Variants in ZNF385C observed in about 807,000 individuals in gnomAD.
ZNF385C encodes the protein CTD-2132N18.2.
ZNF385C carries 28 observed loss-of-function variants against 35.4 expected under a neutral mutation model. The observed-to-expected ratio is 0.79, with a 90% confidence interval of 0.59 to 1.08. ZNF385C has a LOEUF of 1.08. Among genes scored for constraint, ZNF385C ranks in the 50% least tolerant of loss-of-function variants. ZNF385C has a pLI of 0.00. For synonymous variants in ZNF385C, 248 were observed against 248.2 expected (o/e 1.00, Z 0.01); for missense variants, 605 against 595.6 (o/e 1.02, Z -0.16).
intron 3 of ZNF385C, among the ~76,000 whole-genome samples, chr17:42,036,898 G>A (rs1477248378): frequency 1.3e-5 from 2 of 152,194 alleles, no homozygotes; most frequent in African/African-American, 2.4e-5. Context: ...GCCACCATCT[G>A]CTCAGGATGG....
At chr17:42,040,235 T>C in intron 2 of ZNF385C, 1 of 1,231,530 alleles carries the variant, frequency 8.1e-7, no homozygotes. Flanking sequence ...TGTAGGCCCT[T>C]CCGCATGGAG....
intron 3 of ZNF385C, among the ~76,000 whole-genome samples, chr17:42,037,228 C>A (rs547751314): frequency 6.6e-6 from 1 of 152,166 alleles, no homozygotes. Context: ...ACACAATAAA[C>A]CCTCAGATTG....
chr17:42,027,395 C>T (rs1240172688), intron 8 of ZNF385C, among the ~76,000 whole-genome samples: 4 of 152,160 alleles, frequency 2.6e-5, no homozygotes, highest in East Asian at 1.9e-4. Flanking sequence ...AGGAGATGCA[C>T]GCCCACCCCT....
chr17:42,054,535 C>G (rs936061403), intron 2 of ZNF385C, among the ~76,000 whole-genome samples: 1 of 150,724 alleles, frequency 6.6e-6, no homozygotes, highest in African/African-American at 2.4e-5. Flanking sequence ...GCTATCTGGG[C>G]GATGCCAGGA....
Position 42,045,648 on chromosome 17 carries a change from C to A in ZNF385C, c.251-7763G>T, listed in dbSNP as rs1395577598. ...AGACCCTGGTCTGTACTGTCTCTCTCCCTCCAGCTGCCTAGCCTTGGCCCA... is the reference window on the plus strand; with the variant it reads ...AGACCCTGGTCTGTACTGTCTCTCTACCTCCAGCTGCCTAGCCTTGGCCCA... On this transcript the variant is annotated intron_variant, in intron 2 of 8. Coordinates refer to ENST00000692273, the MANE Select transcript of ZNF385C (RefSeq NM_001392013.1). Among the ~76,000 whole-genome samples the A allele has an allele frequency of 9.2e-5, 14 of 152,340 alleles. 1 individual carries two copies. The highest frequency in any genetic ancestry group is 9.2e-4 in the Admixed American group (14 of 15,296).
chr17:42,028,850 C>T lies in ZNF385C; in HGVS notation c.900G>A (p.Gly300=), dbSNP rs1424572302. The T allele has an allele frequency of 1.0e-5, 16 of 1,550,468 alleles. No homozygotes were observed. In the East Asian group the frequency reaches 3.2e-4, roughly 31 times the overall value. The change falls in exon 6 of 9, where the codon GGG becomes GGA. Residue 300 remains glycine (G), a synonymous_variant. Coordinates refer to ENST00000692273, the MANE Select transcript of ZNF385C (RefSeq NM_001392013.1). ...SMSGEGRSEK[G]HLYCPTCKVT... ...CCTTACACGTGGGGCAGTAGAGGTGCCCCTTCTCACTCCTGCCTTCCCCAC... is the reference window on the plus strand; with the variant it reads ...CCTTACACGTGGGGCAGTAGAGGTGTCCCTTCTCACTCCTGCCTTCCCCAC...
At chr17:42,052,854 C>T (rs2053308845) in intron 2 of ZNF385C, among the ~76,000 whole-genome samples, 1 of 152,196 alleles carries the variant, frequency 6.6e-6, no homozygotes, top group Non-Finnish European at 1.5e-5. Flanking sequence ...CCACTCTTTC[C>T]CCATCCCCCT....
intron 1 of ZNF385C, among the ~76,000 whole-genome samples, chr17:42,093,488 AG>A (rs1254919626): frequency 1.3e-5 from 2 of 152,158 alleles, no homozygotes; most frequent in Non-Finnish European, 2.9e-5. Context: ...AGAAAGTTTC[AG>A]AGTTCAGAGC....
chr17:42,086,701 C>CAAA (rs1184011274), intron 1 of ZNF385C, among the ~76,000 whole-genome samples: 8 of 66,818 alleles, frequency 1.2e-4, no homozygotes, highest in South Asian at 5.9e-4. Context: ...GATTCCATCT[C>CAAA]AAAAAAAAAA....
At chr17:42,054,612 C>T (rs1467987306) in intron 2 of ZNF385C, among the ~76,000 whole-genome samples, 4 of 144,248 alleles carry the variant, frequency 2.8e-5, no homozygotes, top group Admixed American at 2.1e-4. Flanking sequence ...AGCAGTGTTT[C>T]GCCCTGTCAC....
At chr17:42,054,201 T>TA (rs1388830697) in intron 2 of ZNF385C, among the ~76,000 whole-genome samples, 1 of 152,172 alleles carries the variant, frequency 6.6e-6, no homozygotes, top group Non-Finnish European at 1.5e-5. Flanking sequence ...TGGGGCCTCT[T>TA]ACACTGAAGT....
intron 2 of ZNF385C, chr17:42,040,595 G>C: frequency 8.1e-7 from 1 of 1,232,496 alleles, no homozygotes; most frequent in Non-Finnish European, 1.0e-6. Context: ...GGTGAGGCAA[G>C]GGCTGCAGCC....
chr17:42,058,694 C>T (rs572714242), intron 2 of ZNF385C, among the ~76,000 whole-genome samples: 11 of 152,248 alleles, frequency 7.2e-5, no homozygotes, highest in African/African-American at 1.9e-4. Context: ...GAGTCTCTAT[C>T]GCCCAGGCTA....
chr17:42,076,965 C>T (rs2053693011), intron 1 of ZNF385C, among the ~76,000 whole-genome samples: 1 of 152,142 alleles, frequency 6.6e-6, no homozygotes, highest in Admixed American at 6.6e-5. Context: ...CCTCCCCACT[C>T]CAGAAAATGA....
chr17:42,039,374 C>G (rs925773929), intron 2 of ZNF385C: 5 of 265,332 alleles, frequency 1.9e-5, no homozygotes, highest in Non-Finnish European at 3.5e-5. Context: ...AAACTCCCAT[C>G]TTTGGGGGGA....
intron 1 of ZNF385C, among the ~76,000 whole-genome samples, chr17:42,072,686 C>T (rs1456969763): frequency 2.6e-5 from 4 of 152,164 alleles, no homozygotes; most frequent in East Asian, 3.9e-4. Context: ...AGCCCGCCCC[C>T]GGGCGGCCCG....
chr17:42,059,497 C>G (rs1474313161), intron 2 of ZNF385C, among the ~76,000 whole-genome samples: 1 of 152,158 alleles, frequency 6.6e-6, no homozygotes, highest in Non-Finnish European at 1.5e-5. Context: ...CCGTTCTGAC[C>G]CAGTACTGAG....
chr17:42,082,180 C>A (rs782784876), intron 1 of ZNF385C, among the ~76,000 whole-genome samples: 23 of 152,226 alleles, frequency 1.5e-4, no homozygotes, highest in Non-Finnish European at 3.2e-4. Context: ...TGCTTCATGT[C>A]TGGCTGAATC....
chr17:42,043,083 A>G, intron 2 of ZNF385C: 2 of 1,232,174 alleles, frequency 1.6e-6, no homozygotes, highest in Non-Finnish European at 2.0e-6. Flanking sequence ...CCTGGCCCTC[A>G]AAAGGGGGCT....
Sources: allele counts gnomAD v4.1 joint callset (sites outside exome capture counted in the v4.1 genomes callset), GRCh38; gene constraint gnomAD v4.1.1; transcripts MANE v1.5; gene names NCBI Gene and HGNC (gene_info 2026-07-23, HGNC 2026-07-21).